The following MYH4 variants were observed in gnomAD, a reference collection of about 807,000 sequenced individuals.
The protein encoded by MYH4 is myosin-4.
Under a neutral mutation model 229.9 loss-of-function variants are expected in MYH4, and 200 were observed. That is an observed-to-expected ratio of 0.87 (90% CI 0.78 to 0.98). The LOEUF (loss-of-function observed/expected upper bound fraction) is 0.98, where lower values mean the gene tolerates loss of function less well. Among genes scored for constraint, MYH4 ranks in the 50% least tolerant of loss-of-function variants. The pLI is 0.00. For synonymous variants in MYH4, 761 were observed against 834.6 expected, an observed-to-expected ratio of 0.91 and a Z score of 1.52; for missense variants, 2,148 against 2,332.6, an observed-to-expected ratio of 0.92 and a Z score of 1.63.
At chr17:10,461,189 G>T in intron 11 of MYH4, 135 bp from the exon 12 acceptor site, 1 of 951,582 alleles carries the variant, frequency 1.1e-6, no homozygotes, top group East Asian at 2.4e-5. Flanking sequence ...TCTTCAAAAG[G>T]TACTCATATG....
In MYH4 at chr17:10,455,177, T is replaced by C; in HGVS notation, c.2293A>G (p.Thr765Ala). ...GAAATTTGGACTGGTGATACCTTGGTATGACCGAATTTGTACTGGGTGTGG... is the reference window on the plus strand; with the variant it reads ...GAAATTTGGACTGGTGATACCTTGGCATGACCGAATTTGTACTGGGTGTGG... ...IDHTQYKFGHTKVFFKAGLLG... is the reference protein window; with the variant it reads ...IDHTQYKFGHAKVFFKAGLLG... The change falls in exon 20 of 40, where the codon ACC (threonine) becomes GCC (alanine). Residue 765 changes from threonine to alanine, a missense_variant. By Grantham distance (58) the Thr-to-Ala change is moderately conservative. Coordinates refer to ENST00000255381, the MANE Select transcript of MYH4 (RefSeq NM_017533.2). 1 of 1,614,214 alleles carries C rather than the reference T, an allele frequency of 6.2e-7. No homozygotes were observed.
chr17:10,459,230 A>G (rs968296014), intron 15 of MYH4, 21 bp downstream of exon 15: 70 of 1,613,862 alleles, frequency 4.3e-5, no homozygotes, highest in Non-Finnish European at 5.5e-5. Context: ...ATGTTTTGAA[A>G]GCTAGAAAAG....
chr17:10,450,695 T>C lies in MYH4; in HGVS notation c.3985-46A>G, dbSNP rs181888834. The C allele has an allele frequency of 7.9e-5, 128 of 1,611,628 alleles. 1 individual carries two copies. The African/African-American group carries it at 1.1e-3, about 14-fold the overall frequency. On this transcript the variant is annotated intron_variant, in intron 29 of 39. Coordinates refer to ENST00000255381, the MANE Select transcript of MYH4 (RefSeq NM_017533.2). ...GTGATATAAGTTTATCTTCTGATCA[T>C]TGAAATTCTCTATGCAAAGTTCAAT...
At position 10,454,698 on chromosome 17, in the gene MYH4, C is replaced by G. The variant is rs535227810; in HGVS notation, c.2548G>C (p.Glu850Gln). Residue 850 changes from glutamate to glutamine, a missense_variant, in exon 22 of 40, where the codon GAG becomes CAG. Coordinates refer to ENST00000255381, the MANE Select transcript of MYH4 (RefSeq NM_017533.2). ...TCCTTCATGTTGGCCATCTCCTTCT[C>G]TGTCTCTGCACTCTTGAGGAGGGGC... ...IKPLLKSAET[E>Q]KEMANMKEEF... 6.2e-6 allele frequency: 10 copies of G among 1,614,208 alleles called. No individual in the cohort carries two copies. The highest frequency in any genetic ancestry group is 8.5e-6 in the Non-Finnish European group (10 of 1,180,040).
Position 10,443,689 on chromosome 17 carries a change from G to A in MYH4, c.5668-162C>T, listed in dbSNP as rs943325590. On this transcript the variant is annotated intron_variant, in intron 39 of 39. Transcript: ENST00000255381. This position sits in a 1 kb window ranked among gnomAD's most constrained non-coding sequence, Gnocchi z 4.6. ...TAATCCCAGCACTCTGGGAGACTGA[G>A]GCGGGTGGATCACCTGAGGTCAGGA... is the stretch of plus-strand genomic sequence containing the variant. Among the ~76,000 whole-genome samples, 1 of 152,204 alleles carries A rather than the reference G, an allele frequency of 6.6e-6. No homozygotes were observed. Among genetic ancestry groups the A allele is most frequent in the Non-Finnish European group, 1.5e-5 (1 of 68,034 alleles).
intron 35 of MYH4, among the ~76,000 whole-genome samples, 156 bp downstream of exon 35, chr17:10,446,857 C>G (rs1383384838): frequency 6.6e-6 from 1 of 152,148 alleles, no homozygotes; most frequent in Non-Finnish European, 1.5e-5. Context: ...ACTCGTGAAC[C>G]AGCTAGGTCC....
chr17:10,448,634 C>T lies in MYH4; in HGVS notation c.4515G>A (p.Glu1505=), dbSNP rs2072538848. Residue 1505 remains glutamate (E), a synonymous_variant, in exon 32 of 40, where the codon GAG becomes GAA. Coordinates refer to ENST00000255381, the MANE Select transcript of MYH4 (RefSeq NM_017533.2). ...SLDHLETLKR[E]NKNLQQEISD... The stretch of plus-strand genomic sequence containing the variant: ...GTGACTCACGTTGTAAGTTCTTATT[C>T]TCTCGCTTTAGAGTTTCAAGATGAT... The T allele has an allele frequency of 1.9e-6, 3 of 1,613,848 alleles. No individual in the cohort carries two copies. The highest frequency in any genetic ancestry group is 2.5e-6 in the Non-Finnish European group (3 of 1,179,968).
chr17:10,455,993 T>C (rs2072635132), intron 17 of MYH4, 92 bp from the exon 18 acceptor site: 1 of 1,507,428 alleles, frequency 6.6e-7, no homozygotes, highest in Admixed American at 1.8e-5. Flanking sequence ...CACATTTTAA[T>C]GAGCTGTCTC....
chr17:10,456,005 A>C, intron 17 of MYH4, 104 bp from the exon 18 acceptor site: 1 of 1,390,896 alleles, frequency 7.2e-7, no homozygotes, highest in Non-Finnish European at 1.0e-6. Context: ...AGCTGTCTCA[A>C]GGAAAAACAA....
chr17:10,444,178 C>G (rs1261155283), intron 39 of MYH4, among the ~76,000 whole-genome samples: 2 of 151,900 alleles, frequency 1.3e-5, no homozygotes, highest in African/African-American at 2.4e-5. Flanking sequence ...TGCCAAGAAC[C>G]CTAAGGAAGG....
chr17:10,451,819 G>C, intron 27 of MYH4, 122 bp downstream of exon 27: 8 of 1,248,112 alleles, frequency 6.4e-6, no homozygotes, highest in Non-Finnish European at 8.9e-6. Flanking sequence ...TGTACTAGGA[G>C]TAAGTTTAAG....
intron 19 of MYH4, 133 bp downstream of exon 19, chr17:10,455,481 A>C (rs1250869623): frequency 1.9e-5 from 26 of 1,360,100 alleles, no homozygotes; most frequent in Non-Finnish European, 2.5e-5. Flanking sequence ...TATAAACCTA[A>C]GCTTCTTTCT....
At position 10,452,428 on chromosome 17, in the gene MYH4, G is replaced by GTA; in HGVS notation, c.3335_3336insTA (p.Lys1113ThrfsTer56). 6.2e-7 allele frequency: 1 copy of GTA among 1,614,074 alleles called. No homozygotes were observed. Among genetic ancestry groups the GTA allele is most frequent in the Non-Finnish European group, 8.5e-7 (1 of 1,179,982 alleles). The stretch of plus-strand genomic sequence containing the variant: ...GGTTATAACTTACCTGTAATTCTTT[G>GTA]ATCTTCTTTTGTAGCTGTATTGCAA... On this transcript the variant is annotated frameshift_variant, in exon 26 of 40. Coordinates refer to ENST00000255381, the MANE Select transcript of MYH4 (RefSeq NM_017533.2). LOFTEE classifies it high-confidence loss of function.
At position 10,460,301 on chromosome 17, in the gene MYH4, G is replaced by C; in HGVS notation, c.1168C>G (p.Leu390Val). 6.2e-7 allele frequency: 1 copy of C among 1,608,250 alleles called. No homozygotes were observed. The highest frequency in any genetic ancestry group is 8.5e-7 in the Non-Finnish European group (1 of 1,175,254). The change falls in exon 13 of 40, where the codon CTG becomes GTG. Residue 390 changes from leucine (L) to valine (V), a missense_variant. Coordinates refer to ENST00000255381, the MANE Select transcript of MYH4 (RefSeq NM_017533.2). Reference sequence around the variant, plus strand: ...AGGTCAGCAGAGTTCAGACTTGTCAGATAAGCAGCTTTGTCAGCAACTGTG... The same window carrying C: ...AGGTCAGCAGAGTTCAGACTTGTCACATAAGCAGCTTTGTCAGCAACTGTG... ...GTEVADKAAY[L>V]TSLNSADLLK...
chr17:10,460,995 A>G lies in MYH4; in HGVS notation c.1068T>C (p.Thr356=). 1 of 1,614,082 alleles carries G rather than the reference A, an allele frequency of 6.2e-7. No individual in the cohort carries two copies. The highest frequency in any genetic ancestry group is 8.5e-7 in the Non-Finnish European group (1 of 1,179,982). Residue 356 remains threonine, a synonymous_variant, in exon 12 of 40, where the codon ACT becomes ACC. Coordinates refer to ENST00000255381, the MANE Select transcript of MYH4 (RefSeq NM_017533.2). Reference sequence around the variant, plus strand: ...TGTTCCCATAATGCATCACGGCTCCAGTGAGCTTGTAAATGGCCACCTTTT... The same window carrying G: ...TGTTCCCATAATGCATCACGGCTCCGGTGAGCTTGTAAATGGCCACCTTTT... ...ADEKVAIYKL[T]GAVMHYGNMK...
In MYH4 at chr17:10,449,737, C is replaced by A. The variant is rs188069708; in HGVS notation, c.4182-690G>T. On this transcript the variant is annotated intron_variant, in intron 30 of 39. Coordinates refer to ENST00000255381, the MANE Select transcript of MYH4 (RefSeq NM_017533.2). ...CTGCATTATTGCATTTCCCAAATTT[C>A]CTCTAAAATCTTGTCTACTACTCTT... Among the ~76,000 whole-genome samples the A allele has an allele frequency of 3.1e-3, 479 of 152,188 alleles. 5 individuals are homozygous for A. The highest frequency in any genetic ancestry group is 5.6e-3 in the Admixed American group (86 of 15,276).
chr17:10,447,834 G>T lies in MYH4; in HGVS notation c.4949C>A (p.Thr1650Lys). The T allele has an allele frequency of 1.2e-6, 2 of 1,611,922 alleles. No individual in the cohort carries two copies. Among genetic ancestry groups the T allele is most frequent in the Non-Finnish European group, 1.7e-6 (2 of 1,178,798 alleles). ...AAEALRNLRN[T>K]QGILKDTQLH... Reference sequence around the variant, plus strand: ...CCAGCATACCTTCAGTATTCCTTGTGTGTTTCTAAGATTCCTTAGTGCCTC... The same window carrying T: ...CCAGCATACCTTCAGTATTCCTTGTTTGTTTCTAAGATTCCTTAGTGCCTC... The change falls in exon 34 of 40, where the codon ACA becomes AAA. Residue 1650 changes from threonine to lysine, a missense_variant. Coordinates refer to ENST00000255381, the MANE Select transcript of MYH4 (RefSeq NM_017533.2).
chr17:10,456,611 C>T, intron 16 of MYH4, 56 bp from the exon 17 acceptor site: 2 of 1,420,314 alleles, frequency 1.4e-6, no homozygotes, highest in Non-Finnish European at 9.9e-7. Context: ...TAAGTACTAT[C>T]CATAAACATC....
At position 10,462,782 on chromosome 17, in the gene MYH4, C is replaced by A. The variant is rs941242910; in HGVS notation, c.1008+83G>T. 6 of 1,138,064 alleles carry A rather than the reference C, an allele frequency of 5.3e-6. No individual in the cohort carries two copies. In the East Asian group the frequency reaches 1.4e-4, roughly 27 times the overall value. 70.5% of individuals were successfully genotyped at this position (1,138,064 alleles called of 1,614,324 possible). A position where few individuals can be genotyped will look rare whatever the true frequency, so the allele number is the denominator to read the frequency against. ...GTATTACCTATTTATAGTCTTTCTG[C>A]CACTGCTTTCCACCCTAATAGAGGA... is the stretch of plus-strand genomic sequence containing the variant. On this transcript the variant is annotated intron_variant, in intron 11 of 39. Coordinates refer to ENST00000255381, the MANE Select transcript of MYH4 (RefSeq NM_017533.2).
Sources: allele counts gnomAD v4.1 joint callset (sites outside exome capture counted in the v4.1 genomes callset), GRCh38; gene constraint gnomAD v4.1.1; non-coding constraint Gnocchi (gnomAD v3.1); transcripts MANE v1.5; gene names NCBI Gene and HGNC (gene_info 2026-07-23, HGNC 2026-07-21).